STAU2: variants seen among roughly 807,000 people sequenced by gnomAD.
STAU2 encodes the protein staufen double-stranded RNA binding protein 2.
In STAU2, 20 loss-of-function variants were observed where a neutral mutation model predicts 65.9. The ratio of observed to expected loss-of-function variants is 0.30; its 90% CI spans 0.21 to 0.44. The LOEUF (loss-of-function observed/expected upper bound fraction) is 0.44. Among genes scored for constraint, STAU2 ranks in the 20% least tolerant of loss-of-function variants. STAU2 has a pLI of 1.00. For synonymous variants in STAU2, 232 were observed against 233.9 expected (o/e 0.99, Z 0.07); for missense variants, 558 against 683.9 (o/e 0.82, Z 2.05).
chr8:73,726,768 G>A (rs1563532342), intron 3 of STAU2, among the ~76,000 whole-genome samples: 1 of 152,070 alleles, frequency 6.6e-6, no homozygotes, highest in Non-Finnish European at 1.5e-5. Context: ...ATATTAGTAA[G>A]AACTGTTTCT....
chr8:73,450,894 G>A (rs1055784916), intron 13 of STAU2, among the ~76,000 whole-genome samples: 2 of 152,196 alleles, frequency 1.3e-5, no homozygotes, highest in Admixed American at 6.5e-5. Context: ...AGGAGACAGT[G>A]AGGCAAGAAG....
intron 10 of STAU2, among the ~76,000 whole-genome samples, chr8:73,598,155 T>C (rs1811337936): frequency 1.3e-5 from 2 of 152,108 alleles, no homozygotes. Context: ...TGGTTTAACA[T>C]TTGAAATTCA....
intron 13 of STAU2, among the ~76,000 whole-genome samples, chr8:73,547,694 C>T (rs1311110212): frequency 6.6e-6 from 1 of 152,148 alleles, no homozygotes. Context: ...GCAGTATCTG[C>T]TGACCAAACC....
chr8:73,448,816 G>C (rs1354869656), intron 13 of STAU2, among the ~76,000 whole-genome samples: 1 of 152,264 alleles, frequency 6.6e-6, no homozygotes, highest in African/African-American at 2.4e-5. Context: ...CAGCCCTTTC[G>C]GGACGTCGCG....
chr8:73,539,184 T>G (rs1002706148), intron 13 of STAU2, among the ~76,000 whole-genome samples: 2 of 152,212 alleles, frequency 1.3e-5, no homozygotes, highest in Non-Finnish European at 2.9e-5. Flanking sequence ...ATCCAAAGTC[T>G]CTATAATGTA....
chr8:73,714,349 G>A (rs1821102089), intron 3 of STAU2, among the ~76,000 whole-genome samples: 1 of 152,136 alleles, frequency 6.6e-6, no homozygotes, highest in South Asian at 2.1e-4. Flanking sequence ...CCTTCTAGGA[G>A]CAATCTGACA....
At chr8:73,515,933 CTTTTTTT>C (rs570606347) in intron 13 of STAU2, among the ~76,000 whole-genome samples, 12 of 126,688 alleles carry the variant, frequency 9.5e-5, no homozygotes, top group African/African-American at 3.5e-4. Flanking sequence ...GGCACTGACT[CTTTTTTT>C]TTTTTTTTTT....
At chr8:73,722,306 T>C (rs1257430016) in intron 3 of STAU2, among the ~76,000 whole-genome samples, 1 of 152,192 alleles carries the variant, frequency 6.6e-6, no homozygotes, top group African/African-American at 2.4e-5. Flanking sequence ...ATTTAACTGA[T>C]AAGAAAAAAA....
chr8:73,666,209 C>T (rs1320670787), intron 6 of STAU2, among the ~76,000 whole-genome samples: 1 of 152,132 alleles, frequency 6.6e-6, no homozygotes, highest in Non-Finnish European at 1.5e-5. Context: ...GTTTGAACAA[C>T]CTCAGAATAA....
chr8:73,546,148 G>GTTTTTTTTTTTTTTTT (rs1563412799), intron 13 of STAU2, among the ~76,000 whole-genome samples: 3 of 116,462 alleles, frequency 2.6e-5, no homozygotes, highest in Non-Finnish European at 1.6e-5. Flanking sequence ...TTTTTTTTTG[G>GTTTTTTTTTTTTTTTT]TAGAGACAGA....
chr8:73,519,786 T>C (rs906248568), intron 13 of STAU2, among the ~76,000 whole-genome samples: 2 of 152,204 alleles, frequency 1.3e-5, no homozygotes, highest in Admixed American at 6.5e-5. Context: ...TGCAAGAGCA[T>C]AAACACTGAG....
intron 5 of STAU2, among the ~76,000 whole-genome samples, chr8:73,680,838 A>G (rs1268615446): frequency 6.6e-6 from 1 of 152,020 alleles, no homozygotes; most frequent in East Asian, 1.9e-4. Flanking sequence ...AGTTTCAACA[A>G]TAGAATCAAA....
intron 12 of STAU2, among the ~76,000 whole-genome samples, chr8:73,578,731 G>A (rs1809764372): frequency 6.6e-6 from 1 of 152,068 alleles, no homozygotes; most frequent in South Asian, 2.1e-4. Context: ...ACTAAAAGCT[G>A]GCTACATTCT....
intron 5 of STAU2, among the ~76,000 whole-genome samples, chr8:73,676,621 G>A (rs1293744765): frequency 2.0e-5 from 3 of 152,054 alleles, no homozygotes; most frequent in Non-Finnish European, 2.9e-5. Flanking sequence ...TTTTTGAGAC[G>A]GAGTCTCGCT....
chr8:73,637,662 A>T (rs1240150678), intron 6 of STAU2, among the ~76,000 whole-genome samples: 4 of 152,056 alleles, frequency 2.6e-5, no homozygotes, highest in Admixed American at 2.0e-4. Flanking sequence ...AGGGTGTTCA[A>T]ACTGAAGAGA....
At chr8:73,679,570 G>T (rs1458002501) in intron 5 of STAU2, among the ~76,000 whole-genome samples, 1 of 152,014 alleles carries the variant, frequency 6.6e-6, no homozygotes, top group South Asian at 2.1e-4. Flanking sequence ...AATTTAGAGA[G>T]CTGAGCGAAA....
intron 13 of STAU2, among the ~76,000 whole-genome samples, chr8:73,484,971 A>T (rs796491167): frequency 1.1e-4 from 16 of 152,042 alleles, no homozygotes; most frequent in African/African-American, 3.4e-4. Context: ...ATTACACTTG[A>T]TCCTTCTTCC....
intron 11 of STAU2, chr8:73,590,509 T>C (rs1390444670): frequency 3.3e-5 from 5 of 152,162 alleles, no homozygotes; most frequent in African/African-American, 9.7e-5. Context: ...AGGTGATTCA[T>C]TGGAGGCTTA....
At chr8:73,426,182 C>A (rs1276120257) in intron 13 of STAU2, among the ~76,000 whole-genome samples, 2 of 140,576 alleles carry the variant, frequency 1.4e-5, no homozygotes, top group Admixed American at 1.4e-4. Flanking sequence ...TTTTTTTTTT[C>A]AATGATAAAT....
Sources: allele counts gnomAD v4.1 joint callset (sites outside exome capture counted in the v4.1 genomes callset), GRCh38; gene constraint gnomAD v4.1.1; transcripts MANE v1.5; gene names NCBI Gene and HGNC (gene_info 2026-07-23, HGNC 2026-07-21).